Variants in ADAMTS7 observed in about 807,000 individuals in gnomAD.
ADAMTS7 encodes the protein ADAM metallopeptidase with thrombospondin type 1 motif 7.
A neutral mutation model predicts 172.6 loss-of-function variants in ADAMTS7; 89 were observed. That is an observed-to-expected ratio of 0.52 (90% confidence interval 0.43 to 0.61). The LOEUF (loss-of-function observed/expected upper bound fraction) is 0.61, where lower values mean the gene tolerates loss of function less well. Ranked by LOEUF, ADAMTS7 falls within the 20% of genes least tolerant of loss-of-function variation. The pLI is 0.00. For synonymous variants in ADAMTS7, 885 were observed against 978.4 expected (o/e 0.90, Z 1.78); for missense variants, 1,973 against 2,355.6 (o/e 0.84, Z 3.36).
chr15:78,774,339 G>A, intron 12 of ADAMTS7, 39 bp from the exon 13 acceptor site: 2 of 1,524,842 alleles, frequency 1.3e-6, no homozygotes, highest in African/African-American at 1.4e-5. Context: ...CAACAGCTGG[G>A]GCGGGAGTAT....
rs547165956 is a variant in ADAMTS7 at position 78,776,463 on chromosome 15, C to A, written c.1561-130G>T. On this transcript the variant is annotated intron_variant, in intron 10 of 23. Transcript: ENST00000388820. ...GGAAGGATGGAAGGTGAGAGAGGCACCCTCACAATCATCACAATCATCTGT... is the reference window on the plus strand; with the variant it reads ...GGAAGGATGGAAGGTGAGAGAGGCAACCTCACAATCATCACAATCATCTGT... 8 of 1,333,346 alleles carry A rather than the reference C, an allele frequency of 6.0e-6. 1 individual carries two copies. The African/African-American group carries it at 1.2e-4, about 20-fold the overall frequency. 82.6% of individuals were successfully genotyped at this position (1,333,346 alleles called of 1,614,324 possible).
Position 78,771,312 on chromosome 15 carries a change from G to A in ADAMTS7, c.2377-9C>T, listed in dbSNP as rs1210209586. ...CTCTCCTGGAACAGCAGCTGGGTGG[G>A]CAGGCGGGGGCCCATGAGCACAAGG... On this transcript the variant is annotated splice_polypyrimidine_tract_variant and intron_variant, in intron 15 of 23. Coordinates refer to ENST00000388820, the MANE Select transcript of ADAMTS7 (RefSeq NM_014272.5). This position sits in a 1 kb window ranked among gnomAD's most constrained non-coding sequence, Gnocchi z 4.9. 1.9e-6 allele frequency: 3 copies of A among 1,611,836 alleles called. No homozygotes were observed. The highest frequency in any genetic ancestry group is 2.7e-5 in the African/African-American group (2 of 74,884).
At chr15:78,790,851 C>A in intron 5 of ADAMTS7, 57 bp from the exon 6 acceptor site, 1 of 1,602,254 alleles carries the variant, frequency 6.2e-7, no homozygotes, top group Non-Finnish European at 8.5e-7. Flanking sequence ...AAGGTCAGGC[C>A]CAATTCTCCC....
At chr15:78,792,395 C>T (rs2055592703) in intron 4 of ADAMTS7, among the ~76,000 whole-genome samples, 1 of 152,166 alleles carries the variant, frequency 6.6e-6, no homozygotes, top group African/African-American at 2.4e-5. Flanking sequence ...TACGAGTGTC[C>T]CCATATTCTG....
rs527909919 is a variant in ADAMTS7, at chr15:78,791,241, G to A, written c.820-18C>T. 1.3e-5 allele frequency: 21 copies of A among 1,608,080 alleles called. No individual in the cohort carries two copies. In the African/African-American group the frequency reaches 2.8e-4, roughly 21 times the overall value. On this transcript the variant is annotated intron_variant, in intron 4 of 23. Transcript: ENST00000388820. ...CCAGCCACCTGCCCAAGAGATGGGG[G>A]GGTCAGGTTGTCACGAGGATGAAGG...
intron 1 of ADAMTS7, among the ~76,000 whole-genome samples, chr15:78,803,969 G>A (rs2055757869): frequency 6.6e-6 from 1 of 152,098 alleles, no homozygotes; most frequent in South Asian, 2.1e-4. Context: ...TCAAGTTCAC[G>A]GATCCCCTCA....
At chr15:78,809,416 G>A (rs1347120245) in intron 1 of ADAMTS7, among the ~76,000 whole-genome samples, 2 of 152,112 alleles carry the variant, frequency 1.3e-5, no homozygotes, top group South Asian at 2.1e-4. Context: ...GAACACTAGA[G>A]ACAGACTTCA....
In ADAMTS7 at chr15:78,764,060, C is replaced by T. The variant is rs1399256726; in HGVS notation, c.4459G>A (p.Val1487Met). Residue 1487 changes from valine to methionine, a missense_variant, in exon 21 of 24, where the codon GTG becomes ATG. Val to Met is a conservative substitution (Grantham distance 21). Around this residue, in one of 8 missense-constraint regions of ADAMTS7, gnomAD observed 218 missense variants for 216.9 expected, o/e 1.01. Transcript: ENST00000388820. ...SCGGGSSVRD[V>M]QCVDTRDLRP... ...AGGTCCCGTGTGTCCACACACTGCA[C>T]GTCCCGCACTGAGGAACCTCCGCCG... is the stretch of plus-strand genomic sequence containing the variant. The T allele has an allele frequency of 5.9e-6, 9 of 1,532,038 alleles. No homozygotes were observed. Among genetic ancestry groups the T allele is most frequent in the East Asian group, 2.5e-5 (1 of 40,758 alleles). The allele number at this position is 1,532,038 out of a possible 1,614,324, so 94.9% of individuals were successfully genotyped here.
At chr15:78,774,009 G>C (rs1428190885) in intron 13 of ADAMTS7, among the ~76,000 whole-genome samples, 158 bp downstream of exon 13, 1 of 152,192 alleles carries the variant, frequency 6.6e-6, no homozygotes, top group Non-Finnish European at 1.5e-5. Context: ...TAGAGCATGG[G>C]GAGGGTGGCC....
chr15:78,768,449 G>A (rs1463385609), intron 16 of ADAMTS7, among the ~76,000 whole-genome samples, 190 bp from the exon 17 acceptor site: 3 of 152,254 alleles, frequency 2.0e-5, no homozygotes, highest in Admixed American at 6.5e-5. Context: ...GTTCTCACCC[G>A]CCCCCTCTCC....
intron 8 of ADAMTS7, 135 bp from the exon 9 acceptor site, chr15:78,777,723 G>C: frequency 1.7e-6 from 2 of 1,161,936 alleles, no homozygotes; most frequent in Non-Finnish European, 2.4e-6. Context: ...CAGCCTCCCC[G>C]CTCGGCTCAG....
At position 78,764,650 on chromosome 15, in the gene ADAMTS7, G is replaced by C. The variant is rs753775871; in HGVS notation, c.4324C>G (p.Arg1442Gly). Residue 1442 changes from arginine (R) to glycine (G), a missense_variant, in exon 20 of 24, where the codon CGG (arginine) becomes GGG (glycine). This residue lies in a region of ADAMTS7 where 218 missense variants were observed against 216.9 expected (regional missense o/e 1.01). Coordinates refer to ENST00000388820, the MANE Select transcript of ADAMTS7 (RefSeq NM_014272.5). The part of the protein sequence containing the change: ...VWRPVRCSSG[R>G]DEDCAPAGRP... ...CCAGCGGGGGCGCAGTCCTCATCCC[G>C]GCCGGAGCTACAGCGCACCGGCCTC... 6.4e-7 allele frequency: 1 copy of C among 1,574,044 alleles called. No individual in the cohort carries two copies. The highest frequency in any genetic ancestry group is 8.6e-7 in the Non-Finnish European group (1 of 1,169,166).
intron 1 of ADAMTS7, among the ~76,000 whole-genome samples, chr15:78,801,530 G>T (rs1365225319): frequency 2.0e-5 from 3 of 152,112 alleles, no homozygotes; most frequent in African/African-American, 7.2e-5. Flanking sequence ...CAACTCCCTA[G>T]CTCTCCCTAT....
At chr15:78,807,921 C>T (rs886854937) in intron 1 of ADAMTS7, among the ~76,000 whole-genome samples, 2 of 150,436 alleles carry the variant, frequency 1.3e-5, no homozygotes, top group Non-Finnish European at 3.0e-5. Flanking sequence ...GTGATGCGAT[C>T]GTGGTTTACT....
At chr15:78,792,717 G>A (rs897804636) in intron 4 of ADAMTS7, among the ~76,000 whole-genome samples, 12 of 152,194 alleles carry the variant, frequency 7.9e-5, no homozygotes, top group Admixed American at 5.9e-4. Context: ...GGAGGCTGAG[G>A]CAGGAGAATC....
intron 1 of ADAMTS7, 88 bp from the exon 2 acceptor site, chr15:78,800,635 G>C: frequency 1.6e-6 from 2 of 1,236,448 alleles, no homozygotes; most frequent in Non-Finnish European, 2.3e-6. Context: ...CGGCCAAGAG[G>C]GGGCTGCTGG....
chr15:78,807,804 T>A (rs1178145170), intron 1 of ADAMTS7, among the ~76,000 whole-genome samples: 1 of 152,250 alleles, frequency 6.6e-6, no homozygotes, highest in Non-Finnish European at 1.5e-5. Flanking sequence ...TTGTTTTATC[T>A]GTTTGCCTAA....
chr15:78,780,304 A>G lies in ADAMTS7; in HGVS notation c.1323-2716T>C, dbSNP rs2622828. On this transcript the variant is annotated intron_variant, in intron 8 of 23. Transcript: ENST00000388820. ...GTCAAAGGAGACAGTAGGTGACTCC[A>G]GTCAGAAGCCTCACTCTCACCTTGA... 2.4e-3 allele frequency among the ~76,000 whole-genome samples: 353 copies of G among 147,604 alleles called. 5 individuals carry two copies. In the East Asian group the frequency reaches 0.047, roughly 19 times the overall value.
intron 8 of ADAMTS7, among the ~76,000 whole-genome samples, chr15:78,784,287 C>T (rs2055471027): frequency 6.6e-6 from 1 of 151,772 alleles, no homozygotes; most frequent in African/African-American, 2.4e-5. Flanking sequence ...ATCATTTGTG[C>T]CTGGGAGCCC....
Sources: gnomAD v4.1 joint callset for allele counts (sites outside exome capture counted in the v4.1 genomes callset) on GRCh38, gnomAD v4.1.1 for gene constraint, gnomAD v4.1.1 regional missense constraint, Gnocchi (gnomAD v3.1) non-coding constraint, MANE v1.5 for transcripts, NCBI Gene and HGNC (gene_info 2026-07-23, HGNC 2026-07-21) for gene names.